Variants in PDK3 observed in about 807,000 individuals in gnomAD.
PDK3 encodes the protein pyruvate dehydrogenase kinase, isozyme 3.
PDK3 carries 12 observed loss-of-function variants against 32.0 expected under a neutral mutation model. The observed-to-expected ratio is 0.37, with a 90% CI of 0.24 to 0.61. PDK3 has a LOEUF of 0.61. Among genes scored for constraint, PDK3 ranks in the 20% least tolerant of loss-of-function variants. PDK3 has a pLI of 0.65. For missense variants in PDK3, 188 were observed against 316.9 expected (o/e 0.59, Z 3.09); for synonymous variants, 122 against 116.3 (o/e 1.05, Z -0.31).
chrX:24,527,334 A>G (rs1443576206), intron 7 of PDK3, among the ~76,000 whole-genome samples: 2 of 111,000 alleles, frequency 1.8e-5, no homozygotes, highest in Non-Finnish European at 3.8e-5. Flanking sequence ...GGAAAGAAAA[A>G]TAAATATTTA....
chrX:24,513,719 T>G (rs1922184474), intron 5 of PDK3: 1 of 111,935 alleles, frequency 8.9e-6, no homozygotes, highest in South Asian at 3.7e-4. Context: ...TATTGAGAAC[T>G]TGTTTTTTTA....
chrX:24,542,666 CT>C (rs1036482460), exon 12 of PDK3, among the ~76,000 whole-genome samples: 1 of 112,303 alleles, frequency 8.9e-6, no homozygotes, highest in Admixed American at 9.4e-5. Context: ...GATTTGGCAG[CT>C]TTTACCAAAA....
intron 3 of PDK3, among the ~76,000 whole-genome samples, chrX:24,502,231 A>G (rs1056303057): frequency 4.5e-5 from 5 of 111,590 alleles, no homozygotes; most frequent in African/African-American, 1.3e-4. Flanking sequence ...TCACCCTTTT[A>G]CATTTTTAAT....
downstream of PDK3, among the ~76,000 whole-genome samples, chrX:24,536,415 A>T (rs748487511): frequency 9.0e-6 from 1 of 111,285 alleles, no homozygotes; most frequent in South Asian, 3.8e-4. Context: ...CTATAAAGTA[A>T]AGCTCTTCCT....
chrX:24,545,247 T>C (rs997724602), exon 12 of PDK3, among the ~76,000 whole-genome samples: 1 of 111,669 alleles, frequency 9.0e-6, no homozygotes, highest in African/African-American at 3.3e-5. Flanking sequence ...GTGCCACAGG[T>C]TTTCTTACCT....
chrX:24,502,007 G>T (rs1158861371), intron 3 of PDK3, among the ~76,000 whole-genome samples: 1 of 111,013 alleles, frequency 9.0e-6, no homozygotes, highest in African/African-American at 3.3e-5. Context: ...TTTCTGATGG[G>T]GTGCTAGTTT....
intron 1 of PDK3, among the ~76,000 whole-genome samples, chrX:24,494,050 G>A (rs888667011): frequency 2.7e-5 from 3 of 112,357 alleles, no homozygotes; most frequent in Non-Finnish European, 3.8e-5. Context: ...GCTCAGGGAA[G>A]CCTCCAGAAG....
At chrX:24,504,593 T>C (rs1256848806) in intron 4 of PDK3, among the ~76,000 whole-genome samples, 1 of 112,563 alleles carries the variant, frequency 8.9e-6, no homozygotes, top group Non-Finnish European at 1.9e-5. Flanking sequence ...AGAACACCTA[T>C]AAATATTTGG....
intron 6 of PDK3, among the ~76,000 whole-genome samples, chrX:24,523,181 A>G (rs1420239216): frequency 1.8e-5 from 2 of 111,351 alleles, no homozygotes; most frequent in Non-Finnish European, 3.8e-5. Flanking sequence ...GTTTCCTTCC[A>G]TGGGGGAAGG....
In PDK3 at chrX:24,472,729, C is replaced by T. The variant is rs1418208897; in HGVS notation, c.106+7168C>T. Among the ~76,000 whole-genome samples the T allele has an allele frequency of 7.0e-5, 6 of 86,215 alleles. No homozygotes were observed. In the East Asian group the frequency reaches 2.1e-3, roughly 30 times the overall value. 74.9% of individuals were successfully genotyped at this position (86,215 alleles called of 115,157 possible). ...GAGACGGAGTTTTTGCTCATGTTGC[C>T]CAGGCTGGAGTGCAATGGTGCGATC... On this transcript the variant is annotated intron_variant, in intron 1 of 10. Transcript: ENST00000379162.
intron 5 of PDK3, among the ~76,000 whole-genome samples, chrX:24,514,891 C>T (rs1569225282): frequency 9.0e-6 from 1 of 111,557 alleles, no homozygotes; most frequent in Non-Finnish European, 1.9e-5. Flanking sequence ...GGGTTCCTTT[C>T]ATAATCTGTA....
intron 1 of PDK3, among the ~76,000 whole-genome samples, chrX:24,487,784 A>G: frequency 9.1e-6 from 1 of 110,002 alleles, no homozygotes; most frequent in Admixed American, 9.8e-5. Context: ...AAGCTGAACA[A>G]TGGACAAAGA....
rs576478627 is a variant in PDK3 at position 24,488,137 on chromosome X, C to G, written c.107-6605C>G. ...AAAACGAAGCCAGGGTTATCAGCCA[C>G]TATGTAAACCAGGTATAAAGAAATA... On this transcript the variant is annotated intron_variant, in intron 1 of 10. Coordinates refer to ENST00000379162, the MANE Select transcript of PDK3 (RefSeq NM_005391.5). 5.4e-5 allele frequency among the ~76,000 whole-genome samples: 6 copies of G among 110,748 alleles called. No homozygotes were observed. In the South Asian group the frequency reaches 2.3e-3, roughly 42 times the overall value.
intron 1 of PDK3, 48 bp from the exon 2 acceptor site, chrX:24,494,694 C>G (rs759378441): frequency 1.1e-5 from 11 of 1,012,633 alleles, no homozygotes; most frequent in Non-Finnish European, 1.4e-5. Context: ...CTTTATTTCT[C>G]CATCTGTTAG....
At chrX:24,532,720 T>C (rs1922680456) in intron 10 of PDK3, among the ~76,000 whole-genome samples, 1 of 112,089 alleles carries the variant, frequency 8.9e-6, no homozygotes, top group African/African-American at 3.2e-5. Context: ...GAGTTGATTC[T>C]ACATTTATAA....
At position 24,506,801 on chromosome X, in the gene PDK3, C is replaced by CTTTTTTTTTTTTTTTTTTTTTT. The variant is rs10682263; in HGVS notation, c.595+1509_595+1530dup. 3.4e-4 allele frequency among the ~76,000 whole-genome samples: 17 copies of CTTTTTTTTTTTTTTTTTTTTTT among 49,493 alleles called. 2 individuals carry two copies. The highest frequency in any genetic ancestry group is 4.9e-4 in the Non-Finnish European group (14 of 28,619). The allele number at this position is 49,493 out of a possible 115,157, so 43.0% of individuals were successfully genotyped here. ...TGTAGAACATTTTGTTTTTTTCTTT[C>CTTTTTTTTTTTTTTTTTTTTTT]TTTTTTTTTTTTTTTTTTTTTTTTT... On this transcript the variant is annotated intron_variant, in intron 5 of 10. Coordinates refer to ENST00000379162, the MANE Select transcript of PDK3 (RefSeq NM_005391.5).
downstream of PDK3, among the ~76,000 whole-genome samples, chrX:24,538,643 G>A (rs994306382): frequency 2.7e-5 from 3 of 110,854 alleles, no homozygotes; most frequent in Admixed American, 9.6e-5. Context: ...GCCGGGCGGT[G>A]GTGGCGGGTG....
At chrX:24,500,849 C>G (rs1444926655) in intron 3 of PDK3, among the ~76,000 whole-genome samples, 1 of 111,744 alleles carries the variant, frequency 8.9e-6, no homozygotes, top group African/African-American at 3.3e-5. Flanking sequence ...GAGGAGAATT[C>G]TGAGCATTGA....
Position 24,509,022 on chromosome X carries a change from GTCTC to G in PDK3, c.595+3730_595+3733del, listed in dbSNP as rs751933820. Among the ~76,000 whole-genome samples the G allele has an allele frequency of 9.8e-5, 11 of 111,837 alleles. No homozygotes were observed. The South Asian group carries it at 2.2e-3, about 23-fold the overall frequency. On this transcript the variant is annotated intron_variant, in intron 5 of 10. Transcript: ENST00000379162. The stretch of plus-strand genomic sequence containing the variant: ...ATGAGCCACCATCCCCAGCCTATTT[GTCTC>G]TCTCTATCTAGGGTGTCAATTTCTA...
Sources: allele counts gnomAD v4.1 joint callset (sites outside exome capture counted in the v4.1 genomes callset), GRCh38; gene constraint gnomAD v4.1.1; transcripts MANE v1.5; gene names NCBI Gene and HGNC (gene_info 2026-07-23, HGNC 2026-07-21).